The following E2F2 variants were observed in gnomAD, a reference collection of about 807,000 sequenced individuals.
E2F2 encodes E2F transcription factor 2.
A neutral mutation model predicts 42.2 loss-of-function variants in E2F2; 22 were observed. The ratio of observed to expected loss-of-function variants is 0.52; its 90% confidence interval spans 0.37 to 0.74. The LOEUF (loss-of-function observed/expected upper bound fraction) is 0.74, where lower values mean the gene tolerates loss of function less well. Among genes scored for constraint, E2F2 ranks in the 30% least tolerant of loss-of-function variants. E2F2 has a pLI of 0.00. For synonymous variants in E2F2, 248 were observed against 251.6 expected, an observed-to-expected ratio of 0.99 and a Z score of 0.13; for missense variants, 481 against 557.8, an observed-to-expected ratio of 0.86 and a Z score of 1.39.
chr1:23,528,112 C>T (rs964511195), intron 1 of E2F2, among the ~76,000 whole-genome samples: 2 of 152,252 alleles, frequency 1.3e-5, no homozygotes, highest in South Asian at 2.1e-4. Context: ...TTCCTGCAGG[C>T]GTGAAAGAGA....
intron 5 of E2F2, among the ~76,000 whole-genome samples, chr1:23,517,498 C>T (rs574421730): frequency 1.6e-4 from 25 of 152,346 alleles, no homozygotes; most frequent in African/African-American, 5.8e-4. Context: ...CCCACTAAGT[C>T]GTGAACTCCT....
At chr1:23,518,934 A>G in intron 5 of E2F2, 82 bp downstream of exon 5, 1 of 1,099,922 alleles carries the variant, frequency 9.1e-7, no homozygotes, top group Non-Finnish European at 1.3e-6. Context: ...AGGCAGTGCC[A>G]GGGACAGAGT....
Position 23,513,282 on chromosome 1 carries a change from G to C in E2F2, c.1045+3053C>G, listed in dbSNP as rs149242651. Reference sequence around the variant, plus strand: ...CAGTCACCAAGTCACTAAGAAGTGAGATACAGGCTTGAACACAGGTCTCCC... The same window carrying C: ...CAGTCACCAAGTCACTAAGAAGTGACATACAGGCTTGAACACAGGTCTCCC... On this transcript the variant is annotated intron_variant, in intron 6 of 6. Transcript: ENST00000361729. 1.3e-3 allele frequency among the ~76,000 whole-genome samples: 192 copies of C among 152,178 alleles called. 1 individual carries two copies. The Middle Eastern group carries it at 0.014, about 11-fold the overall frequency.
rs530148499 is a variant in E2F2, at chr1:23,517,694, T to A, written c.853-1167A>T. Among the ~76,000 whole-genome samples, 193 of 152,338 alleles carry A rather than the reference T, an allele frequency of 1.3e-3. 1 individual carries two copies. Among genetic ancestry groups the A allele is most frequent in the African/African-American group, 4.6e-3 (190 of 41,580 alleles). ...TGCAATCGTGTAATCATGCCAAATA[T>A]ACCTCAGCAAATGGAGATTAAATTA... On this transcript the variant is annotated intron_variant, in intron 5 of 6. Transcript: ENST00000361729.
At chr1:23,516,804 G>T (rs541912941) in intron 5 of E2F2, among the ~76,000 whole-genome samples, 43 of 139,776 alleles carry the variant, frequency 3.1e-4, no homozygotes, top group African/African-American at 8.4e-4. Flanking sequence ...GGGGCGGGGG[G>T]GGGGGGGCAG....
Position 23,530,860 on chromosome 1 carries a change from T to C in E2F2, c.-67A>G, listed in dbSNP as rs891145871. On this transcript the variant is annotated 5_prime_UTR_variant, in exon 1 of 7. Coordinates refer to ENST00000361729, the MANE Select transcript of E2F2 (RefSeq NM_004091.4). This position sits in a 1 kb window ranked among gnomAD's most constrained non-coding sequence, Gnocchi z 4.4. Reference sequence around the variant, plus strand: ...CGCGGACACCTGCGGGTTCCGGTGCTGCCGCCTTTCACACGGCCCGCGGCA... The same window carrying C: ...CGCGGACACCTGCGGGTTCCGGTGCCGCCGCCTTTCACACGGCCCGCGGCA... 2 of 1,413,158 alleles carry C rather than the reference T, an allele frequency of 1.4e-6. No homozygotes were observed. The highest frequency in any genetic ancestry group is 1.6e-5 in the South Asian group (1 of 63,990). 87.5% of individuals were successfully genotyped at this position (1,413,158 alleles called of 1,614,324 possible). A position where few individuals can be genotyped will look rare whatever the true frequency, so the allele number is the denominator to read the frequency against.
chr1:23,516,642 G>A (rs1643025906), intron 5 of E2F2, 115 bp from the exon 6 acceptor site: 4 of 807,408 alleles, frequency 5.0e-6, no homozygotes, highest in African/African-American at 3.7e-5. Flanking sequence ...TCAAACCCTG[G>A]GCTGGCACTG....
At chr1:23,510,256 T>C in intron 6 of E2F2, 108 bp from the exon 7 acceptor site, 1 of 1,422,890 alleles carries the variant, frequency 7.0e-7, no homozygotes, top group Non-Finnish European at 9.2e-7. Flanking sequence ...TCTCTCTCCT[T>C]AGCCTGGGTG....
chr1:23,530,752 C>T lies in E2F2; in HGVS notation c.42G>A (p.Gln14=), dbSNP rs188102614. The T allele has an allele frequency of 8.8e-6, 14 of 1,582,482 alleles. No individual in the cohort carries two copies. The East Asian group carries it at 3.2e-4, about 36-fold the overall frequency. The part of the protein sequence containing the change: ...GPRALASAAG[Q]TPKVVPAMSP... Reference sequence around the variant, plus strand: ...TCATCGCGGGCACCACCTTCGGGGTCTGCCCAGCGGCCGAAGCCAAGGCCC... The same window carrying T: ...TCATCGCGGGCACCACCTTCGGGGTTTGCCCAGCGGCCGAAGCCAAGGCCC... Residue 14 remains glutamine, a synonymous_variant, in exon 1 of 7, where the codon CAG becomes CAA. Transcript: ENST00000361729. The surrounding 1 kb of genome is among the most constrained non-coding windows in gnomAD (Gnocchi z 4.4).
Position 23,522,064 on chromosome 1 carries a change from A to C in E2F2, c.359-8T>G. On this transcript the variant is annotated splice_polypyrimidine_tract_variant and splice_region_variant and intron_variant, in intron 2 of 6. Coordinates refer to ENST00000361729, the MANE Select transcript of E2F2 (RefSeq NM_004091.4). ...CCCCGGGGGATTTGGGGGCTGAAGA[A>C]GAAAGGGACCCAGTCACAGCTCAGG... 1 of 1,613,522 alleles carries C rather than the reference A, an allele frequency of 6.2e-7. No individual in the cohort carries two copies. The highest frequency in any genetic ancestry group is 8.5e-7 in the Non-Finnish European group (1 of 1,179,810).
At chr1:23,524,092 C>CAAA (rs1200088873) in intron 2 of E2F2, among the ~76,000 whole-genome samples, 9 of 55,896 alleles carry the variant, frequency 1.6e-4, no homozygotes, top group East Asian at 1.2e-3. Context: ...ACAACAACAA[C>CAAA]AACAACAACA....
chr1:23,512,816 C>CTT (rs879768212), intron 6 of E2F2, among the ~76,000 whole-genome samples: 1 of 143,354 alleles, frequency 7.0e-6, no homozygotes. Context: ...TTCACACAAG[C>CTT]TTTTTTTTTT....
intron 4 of E2F2, among the ~76,000 whole-genome samples, chr1:23,520,243 CAAAAAAAAAAA>C (rs66460864): frequency 1.1e-4 from 9 of 78,890 alleles, no homozygotes; most frequent in Non-Finnish European, 1.1e-4. Flanking sequence ...GACTCTGTCT[CAAAAAAAAAAA>C]AAAAAAAAAA....
At chr1:23,506,111 G>A (rs559836191), downstream of E2F2, among the ~76,000 whole-genome samples, 7 of 152,304 alleles carry the variant, frequency 4.6e-5, no homozygotes, top group East Asian at 1.2e-3. Flanking sequence ...GCTGCTGCTG[G>A]TCTGAGGACT....
rs1365320635 is a variant in E2F2 at position 23,530,305 on chromosome 1, C to T, written c.252+237G>A. Among the ~76,000 whole-genome samples, 3 of 152,228 alleles carry T rather than the reference C, an allele frequency of 2.0e-5. No homozygotes were observed. Among genetic ancestry groups the T allele is most frequent in the Non-Finnish European group, 4.4e-5 (3 of 68,040 alleles). ...AGTGAGTTGGGTCTCCCTCCAGACT[C>T]GCAATCCAGTGCTCATTCCACTCCA... is the stretch of plus-strand genomic sequence containing the variant. On this transcript the variant is annotated intron_variant, in intron 1 of 6. Coordinates refer to ENST00000361729, the MANE Select transcript of E2F2 (RefSeq NM_004091.4). The surrounding 1 kb of genome is among the most constrained non-coding windows in gnomAD (Gnocchi z 4.4).
Position 23,530,635 on chromosome 1 carries a change from C to A in E2F2, c.159G>T (p.Ala53=). ...AGGTGCCTGGCGCCGCTGCGGGAGG[C>A]GCCGTCTGCGGGTACAGCGGTGTGT... ...TYYTPLYPQT[A]PPAAAPGTCL... Residue 53 remains alanine, a synonymous_variant, in exon 1 of 7, where the codon GCG becomes GCT. Transcript: ENST00000361729. The surrounding 1 kb of genome is among the most constrained non-coding windows in gnomAD (Gnocchi z 4.4). The A allele has an allele frequency of 6.2e-7, 1 of 1,613,254 alleles. No individual in the cohort carries two copies. The highest frequency in any genetic ancestry group is 8.5e-7 in the Non-Finnish European group (1 of 1,179,778).
chr1:23,524,072 C>CACAACAACAACA (rs61262862), intron 2 of E2F2, among the ~76,000 whole-genome samples: 1 of 125,180 alleles, frequency 8.0e-6, no homozygotes, highest in African/African-American at 3.0e-5. Context: ...AGACCTGTCT[C>CACAACAACAACA]ACAACAACAA....
At chr1:23,512,209 AT>A in intron 6 of E2F2, among the ~76,000 whole-genome samples, 3 of 152,200 alleles carry the variant, frequency 2.0e-5, no homozygotes, top group African/African-American at 7.2e-5. Flanking sequence ...CAAAATAAAA[AT>A]AAATAAATAA....
chr1:23,516,418 G>A lies in E2F2; in HGVS notation c.962C>T (p.Thr321Ile). The part of the protein sequence containing the change: ...DSPSEEPLPS[T>I]STLCPSPDSA... ...GTCAGGGCTGGGGCAGAGGGTGGAGGTAGAGGGGAGAGGCTCCTCGGAAGG... is the reference window on the plus strand; with the variant it reads ...GTCAGGGCTGGGGCAGAGGGTGGAGATAGAGGGGAGAGGCTCCTCGGAAGG... The change falls in exon 6 of 7, where the codon ACC becomes ATC. Residue 321 changes from threonine (T) to isoleucine (I), a missense_variant. By Grantham distance (89) the Thr-to-Ile change is moderately conservative (BLOSUM62 -1). Transcript: ENST00000361729. 1.2e-6 allele frequency: 2 copies of A among 1,601,946 alleles called. No homozygotes were observed. Among genetic ancestry groups the A allele is most frequent in the East Asian group, 2.3e-5 (1 of 43,378 alleles).
Sources: allele counts gnomAD v4.1 joint callset (sites outside exome capture counted in the v4.1 genomes callset), GRCh38; gene constraint gnomAD v4.1.1; non-coding constraint Gnocchi (gnomAD v3.1); transcripts MANE v1.5; gene names NCBI Gene and HGNC (gene_info 2026-07-23, HGNC 2026-07-21).